The following NOS1AP variants were observed in gnomAD, a reference collection of about 807,000 sequenced individuals.
The protein encoded by NOS1AP is carboxyl-terminal PDZ ligand of neuronal nitric oxide synthase protein.
A neutral mutation model predicts 56.2 loss-of-function variants in NOS1AP; 21 were observed. That is an observed-to-expected ratio of 0.37 (90% CI 0.26 to 0.54). The LOEUF is 0.54. Among genes scored for constraint, NOS1AP ranks in the 20% least tolerant of loss-of-function variants. NOS1AP has a pLI of 0.84. For missense variants in NOS1AP, 522 were observed against 657.8 expected, an observed-to-expected ratio of 0.79 and a Z score of 2.26; for synonymous variants, 270 against 274.6, an observed-to-expected ratio of 0.98 and a Z score of 0.17.
At chr1:162,319,467 C>T (rs1443887996) in intron 4 of NOS1AP, among the ~76,000 whole-genome samples, 1 of 152,172 alleles carries the variant, frequency 6.6e-6, no homozygotes, top group Non-Finnish European at 1.5e-5. Flanking sequence ...GGGCTCTCCA[C>T]AATTGGCCCT....
chr1:162,312,507 T>C (rs1366133690), intron 4 of NOS1AP, among the ~76,000 whole-genome samples: 1 of 132,862 alleles, frequency 7.5e-6, no homozygotes, highest in Non-Finnish European at 1.6e-5. Context: ...GAGTAGGTTG[T>C]GAAAATTTTC....
intron 2 of NOS1AP, among the ~76,000 whole-genome samples, chr1:162,273,400 C>T (rs940458700): frequency 3.9e-5 from 6 of 152,258 alleles, no homozygotes; most frequent in South Asian, 4.1e-4. Context: ...CTCCTGACCT[C>T]GTGATCCACC....
chr1:162,080,291 C>T (rs554238307), intron 1 of NOS1AP, among the ~76,000 whole-genome samples: 8 of 152,294 alleles, frequency 5.3e-5, no homozygotes, highest in African/African-American at 1.9e-4. Context: ...AGAATTCCTA[C>T]TCTGTTAGTT....
intron 4 of NOS1AP, among the ~76,000 whole-genome samples, chr1:162,324,408 A>G (rs1656516268): frequency 7.8e-6 from 1 of 128,738 alleles, no homozygotes; most frequent in Admixed American, 8.1e-5. Context: ...TTTGTGAGGG[A>G]CACTAGCCTT....
chr1:162,251,602 A>G (rs905013476), intron 2 of NOS1AP, among the ~76,000 whole-genome samples: 12 of 146,190 alleles, frequency 8.2e-5, no homozygotes, highest in Non-Finnish European at 7.6e-5. Context: ...AAATATATAT[A>G]TGTGTGTGTG....
At chr1:162,356,704 C>T (rs1388652052) in intron 7 of NOS1AP, among the ~76,000 whole-genome samples, 1 of 152,226 alleles carries the variant, frequency 6.6e-6, no homozygotes, top group Non-Finnish European at 1.5e-5. Flanking sequence ...TATCAGCCAT[C>T]AGTCTCCCAT....
chr1:162,358,167 T>C (rs1657762371), intron 8 of NOS1AP, among the ~76,000 whole-genome samples: 1 of 152,200 alleles, frequency 6.6e-6, no homozygotes, highest in African/African-American at 2.4e-5. Context: ...GGAGCACTTA[T>C]TGCTCTCTGT....
At chr1:162,263,848 G>A (rs1026712306) in intron 2 of NOS1AP, among the ~76,000 whole-genome samples, 4 of 152,102 alleles carry the variant, frequency 2.6e-5, no homozygotes, top group East Asian at 1.9e-4. Context: ...GTTCTAATCC[G>A]GTGACTGGGA....
intron 1 of NOS1AP, among the ~76,000 whole-genome samples, chr1:162,134,217 G>A (rs1050954539): frequency 6.6e-6 from 1 of 152,086 alleles, no homozygotes; most frequent in Non-Finnish European, 1.5e-5. Context: ...TGGGCTGGGC[G>A]CAGTGGCTCA....
intron 2 of NOS1AP, among the ~76,000 whole-genome samples, chr1:162,264,503 C>T (rs1436882062): frequency 7.7e-5 from 10 of 130,676 alleles, no homozygotes; most frequent in African/African-American, 2.4e-4. Flanking sequence ...CCTCTCCTCT[C>T]CTCTCTTCTT....
intron 2 of NOS1AP, among the ~76,000 whole-genome samples, chr1:162,239,762 C>T (rs1653423742): frequency 6.6e-6 from 1 of 152,150 alleles, no homozygotes; most frequent in Non-Finnish European, 1.5e-5. Flanking sequence ...GAGAGAACCC[C>T]AGTAGGAAAA....
chr1:162,328,075 T>C (rs190312720), intron 4 of NOS1AP, among the ~76,000 whole-genome samples: 1 of 152,258 alleles, frequency 6.6e-6, no homozygotes, highest in East Asian at 1.9e-4. Flanking sequence ...GACTTGAACC[T>C]GGATCTTTCT....
chr1:162,091,789 A>G (rs757263595), intron 1 of NOS1AP, among the ~76,000 whole-genome samples: 1 of 152,208 alleles, frequency 6.6e-6, no homozygotes, highest in Non-Finnish European at 1.5e-5. Flanking sequence ...TACACAGCCC[A>G]GGAGCATGTG....
rs1344402726 is a variant in NOS1AP at position 162,264,468 on chromosome 1, C to CTCCTCTCCTCTCCTCTCCTCTCCTCTCCT, written c.178-22876_178-22875insTCCTCTCCTCTCCTCTCCTCTCCTCTCCT. Among the ~76,000 whole-genome samples, 2 of 12,654 alleles carry CTCCTCTCCTCTCCTCTCCTCTCCTCTCCT rather than the reference C, an allele frequency of 1.6e-4. 1 individual carries two copies. The highest frequency in any genetic ancestry group is 3.2e-4 in the Non-Finnish European group (2 of 6,194). 8.3% of individuals were successfully genotyped at this position (12,654 alleles called of 152,430 possible). On this transcript the variant is annotated intron_variant, in intron 2 of 9. Coordinates refer to ENST00000361897, the MANE Select transcript of NOS1AP (RefSeq NM_014697.3). ...CTCTTCTCTTCTCTTCTCTTCTCCT[C>CTCCTCTCCTCTCCTCTCCTCTCCTCTCCT]CCCTCCCCTCCCCTCCCCTCTCCTC...
At chr1:162,225,093 C>G (rs1652898725) in intron 2 of NOS1AP, among the ~76,000 whole-genome samples, 2 of 152,234 alleles carry the variant, frequency 1.3e-5, no homozygotes, top group East Asian at 3.8e-4. Context: ...ACCCCACATA[C>G]TTCTCCTTGA....
At chr1:162,144,673 C>T (rs934327939) in intron 1 of NOS1AP, among the ~76,000 whole-genome samples, 6 of 152,158 alleles carry the variant, frequency 3.9e-5, no homozygotes, top group East Asian at 1.9e-4. Context: ...GGGTACAGCC[C>T]GGCCTCTGCC....
intron 2 of NOS1AP, among the ~76,000 whole-genome samples, chr1:162,210,198 T>C (rs1174147153): frequency 6.6e-6 from 1 of 152,120 alleles, no homozygotes; most frequent in Non-Finnish European, 1.5e-5. Context: ...GCAACAACTT[T>C]GCAGTGTGGA....
At position 162,217,250 on chromosome 1, in the gene NOS1AP, G is replaced by A. The variant is rs1325632962; in HGVS notation, c.177+62774G>A. ...CCATACCTCTTTCCATTTGGGTCCT[G>A]AAACAGCTGTTGTTAGCTTTTTTTT... On this transcript the variant is annotated intron_variant, in intron 2 of 9. Transcript: ENST00000361897. Among the ~76,000 whole-genome samples the A allele has an allele frequency of 2.6e-4, 25 of 97,148 alleles. No individual in the cohort carries two copies. In the Admixed American group the frequency reaches 2.7e-3, roughly 10 times the overall value. The allele number at this position is 97,148 out of a possible 152,430, so 63.7% of individuals were successfully genotyped here. A position where few individuals can be genotyped will look rare whatever the true frequency, so the allele number is the denominator to read the frequency against.
intron 2 of NOS1AP, among the ~76,000 whole-genome samples, chr1:162,221,530 G>GCACA (rs1225944628): frequency 0.039 from 2,441 of 62,500 alleles, 36 homozygotes; most frequent in Middle Eastern, 0.075. Context: ...GCACACACAC[G>GCACA]CGCGCACACA....
Sources: gnomAD v4.1 joint callset for allele counts (sites outside exome capture counted in the v4.1 genomes callset) on GRCh38, gnomAD v4.1.1 for gene constraint, MANE v1.5 for transcripts, NCBI Gene and HGNC (gene_info 2026-07-23, HGNC 2026-07-21) for gene names.